Variants in ADAMTS2 observed in about 807,000 individuals in gnomAD.
ADAMTS2 encodes ADAM metallopeptidase with thrombospondin type 1 motif 2, also known as A disintegrin and metalloproteinase with thrombospondin motifs 2.
In ADAMTS2, 50 loss-of-function variants were observed where a neutral mutation model predicts 123.0. The observed-to-expected ratio is 0.41, with a 90% CI of 0.32 to 0.51. The LOEUF is 0.51. Ranked by LOEUF, ADAMTS2 falls within the 20% of genes least tolerant of loss-of-function variation. The pLI is 0.35. For missense variants in ADAMTS2, 1,494 were observed against 1,705.2 expected (o/e 0.88, Z 2.18); for synonymous variants, 678 against 695.4 (o/e 0.98, Z 0.39).
intron 21 of ADAMTS2, among the ~76,000 whole-genome samples, chr5:179,116,535 C>A (rs574771989): frequency 1.3e-5 from 2 of 152,154 alleles, no homozygotes; most frequent in Non-Finnish European, 2.9e-5. Context: ...CAGCCAAGCT[C>A]GCATCTAATT....
intron 2 of ADAMTS2, among the ~76,000 whole-genome samples, chr5:179,306,818 G>T (rs1156681558): frequency 1.3e-5 from 2 of 152,174 alleles, no homozygotes; most frequent in Non-Finnish European, 1.5e-5. Flanking sequence ...CTCAACCAGG[G>T]AAAGGACACC....
In ADAMTS2 at chr5:179,269,453, G is replaced by C. The variant is rs528547204; in HGVS notation, c.688+3458C>G. On this transcript the variant is annotated intron_variant, in intron 3 of 21. Coordinates refer to ENST00000251582, the MANE Select transcript of ADAMTS2 (RefSeq NM_014244.5). ...GAAAGGCACGTCTCACATGGCAGCA[G>C]CCGAGAGAGAGAGAGCTTGTGCAGG... Among the ~76,000 whole-genome samples, 36 of 152,270 alleles carry C rather than the reference G, an allele frequency of 2.4e-4. No homozygotes were observed. In the Middle Eastern group the frequency reaches 0.01, roughly 43 times the overall value.
chr5:179,237,041 G>A (rs1246419167), intron 3 of ADAMTS2, among the ~76,000 whole-genome samples: 1 of 152,094 alleles, frequency 6.6e-6, no homozygotes, highest in Admixed American at 6.6e-5. Context: ...GATAGCTTGA[G>A]CACAGAAGTA....
At chr5:179,224,280 C>T (rs1242528556) in intron 3 of ADAMTS2, among the ~76,000 whole-genome samples, 1 of 152,190 alleles carries the variant, frequency 6.6e-6, no homozygotes, top group South Asian at 2.1e-4. Context: ...TGGCTCCCGG[C>T]ACACCCTGAC....
chr5:179,133,036 G>T, intron 13 of ADAMTS2, 136 bp from the exon 14 acceptor site: 1 of 1,193,404 alleles, frequency 8.4e-7, no homozygotes, highest in Non-Finnish European at 1.2e-6. Flanking sequence ...TGGGATTACA[G>T]GCGTGAACCA....
chr5:179,313,987 CAG>C (rs1303025581), intron 2 of ADAMTS2, among the ~76,000 whole-genome samples: 1 of 151,788 alleles, frequency 6.6e-6, no homozygotes, highest in African/African-American at 2.4e-5. Flanking sequence ...CACACCGAGA[CAG>C]AGGAGGGCCT....
chr5:179,167,314 G>T lies in ADAMTS2; in HGVS notation c.976-8435C>A, dbSNP rs547342206. On this transcript the variant is annotated intron_variant, in intron 5 of 21. Coordinates refer to ENST00000251582, the MANE Select transcript of ADAMTS2 (RefSeq NM_014244.5). ...TGCTGCCGCGAGAACAGCGGCCCGG[G>T]CCGGGGACGCACCCGGCGCCCAGAC... is the stretch of plus-strand genomic sequence containing the variant. 1.3e-4 allele frequency among the ~76,000 whole-genome samples: 20 copies of T among 152,078 alleles called. 2 individuals carry two copies. In the South Asian group the frequency reaches 3.7e-3, roughly 28 times the overall value.
chr5:179,323,884 A>G (rs1757247339), intron 2 of ADAMTS2, among the ~76,000 whole-genome samples: 1 of 152,272 alleles, frequency 6.6e-6, no homozygotes, highest in African/African-American at 2.4e-5. Flanking sequence ...TAAAGGGTGG[A>G]AACAACCCAA....
At chr5:179,232,181 C>T (rs771901611) in intron 3 of ADAMTS2, among the ~76,000 whole-genome samples, 34 of 152,308 alleles carry the variant, frequency 2.2e-4, no homozygotes, top group Middle Eastern at 3.4e-3. Context: ...TTAAATTAAT[C>T]CAAACTCCAG....
At chr5:179,157,076 G>C (rs1164042153) in intron 6 of ADAMTS2, among the ~76,000 whole-genome samples, 1 of 147,954 alleles carries the variant, frequency 6.8e-6, no homozygotes, top group African/African-American at 2.5e-5. Flanking sequence ...TGATTTTCCT[G>C]CCTCAGCCTC....
intron 2 of ADAMTS2, among the ~76,000 whole-genome samples, chr5:179,337,988 T>C (rs1245685710): frequency 6.6e-6 from 1 of 152,058 alleles, no homozygotes; most frequent in Non-Finnish European, 1.5e-5. Context: ...CACTCAGGCA[T>C]GACTCGCTAA....
At chr5:179,164,710 T>C (rs1561785656) in intron 5 of ADAMTS2, among the ~76,000 whole-genome samples, 1 of 152,138 alleles carries the variant, frequency 6.6e-6, no homozygotes, top group Non-Finnish European at 1.5e-5. Context: ...TTGTGGGTGA[T>C]CAGTCCCAAG....
intron 10 of ADAMTS2, chr5:179,151,183 C>A (rs1029971963): frequency 1.5e-4 from 48 of 328,562 alleles, no homozygotes; most frequent in Non-Finnish European, 2.0e-4. Context: ...AGGCATGAGC[C>A]ACCGCGCCCG....
chr5:179,230,293 C>T (rs1765378890), intron 3 of ADAMTS2, among the ~76,000 whole-genome samples: 1 of 152,146 alleles, frequency 6.6e-6, no homozygotes, highest in South Asian at 2.1e-4. Flanking sequence ...CCAGAAAGTG[C>T]GGTCTGGACA....
At chr5:179,174,459 G>T (rs1326841237) in intron 5 of ADAMTS2, among the ~76,000 whole-genome samples, 1 of 152,076 alleles carries the variant, frequency 6.6e-6, no homozygotes, top group East Asian at 1.9e-4. Context: ...TGCTTAGAAA[G>T]CTCTTGACAA....
rs1044141398 is a variant in ADAMTS2 at position 179,344,032 on chromosome 5, G to A, written c.269C>T (p.Ala90Val). Residue 90 changes from alanine to valine, a missense_variant, in exon 2 of 22, where the codon GCC becomes GTC. Physicochemically the swap from Ala to Val is moderately conservative, Grantham distance 64. This residue lies in a region of ADAMTS2 where 237 missense variants were observed against 233.7 expected (regional missense o/e 1.01). Coordinates refer to ENST00000251582, the MANE Select transcript of ADAMTS2 (RefSeq NM_014244.5). ...SRAGVRARRAAPVRTPSFPGG... is the reference protein window; with the variant it reads ...SRAGVRARRAVPVRTPSFPGG... Reference sequence around the variant, plus strand: ...GGGGAAGCTCGGGGTCCGGACCGGGGCGGCCCTGCGGGCTCGTACCCCTGC... The same window carrying A: ...GGGGAAGCTCGGGGTCCGGACCGGGACGGCCCTGCGGGCTCGTACCCCTGC... The A allele has an allele frequency of 1.1e-5, 17 of 1,612,410 alleles. No individual in the cohort carries two copies. Among genetic ancestry groups the A allele is most frequent in the Non-Finnish European group, 1.4e-5 (17 of 1,179,850 alleles).
In ADAMTS2 at chr5:179,158,598, T is replaced by A; in HGVS notation, c.1132+125A>T. 1 of 1,294,570 alleles carries A rather than the reference T, an allele frequency of 7.7e-7. No homozygotes were observed. Among genetic ancestry groups the A allele is most frequent in the Non-Finnish European group, 1.1e-6 (1 of 906,940 alleles). The allele number at this position is 1,294,570 out of a possible 1,614,324, so 80.2% of individuals were successfully genotyped here. On this transcript the variant is annotated intron_variant, in intron 6 of 21. Coordinates refer to ENST00000251582, the MANE Select transcript of ADAMTS2 (RefSeq NM_014244.5). The surrounding 1 kb of genome is among the most constrained non-coding windows in gnomAD (Gnocchi z 5.0). The stretch of plus-strand genomic sequence containing the variant: ...GCCCCACACCCTCACCCAGCTAAGG[T>A]GGCCACGGCCTTCCCTGCCCTGACA...
intron 3 of ADAMTS2, among the ~76,000 whole-genome samples, chr5:179,230,533 G>C (rs1375141701): frequency 2.0e-5 from 3 of 152,226 alleles, no homozygotes; most frequent in Non-Finnish European, 4.4e-5. Flanking sequence ...CAGAGACGGT[G>C]AGACTTGGGG....
chr5:179,272,092 G>A lies in ADAMTS2; in HGVS notation c.688+819C>T, dbSNP rs1766551496. Among the ~76,000 whole-genome samples the A allele has an allele frequency of 6.6e-6, 1 of 152,202 alleles. No individual in the cohort carries two copies. Among genetic ancestry groups the A allele is most frequent in the Admixed American group, 6.5e-5 (1 of 15,288 alleles). On this transcript the variant is annotated intron_variant, in intron 3 of 21. Transcript: ENST00000251582. The surrounding 1 kb of genome is among the most constrained non-coding windows in gnomAD (Gnocchi z 5.8). Reference sequence around the variant, plus strand: ...GGCCAGGAGTCCCTGACCACACGGGGGACCCTGAGAACTATGGGCCTGCAG... The same window carrying A: ...GGCCAGGAGTCCCTGACCACACGGGAGACCCTGAGAACTATGGGCCTGCAG...
Sources: gnomAD v4.1 joint callset for allele counts (sites outside exome capture counted in the v4.1 genomes callset) on GRCh38, gnomAD v4.1.1 for gene constraint, gnomAD v4.1.1 regional missense constraint, Gnocchi (gnomAD v3.1) non-coding constraint, MANE v1.5 for transcripts, NCBI Gene and HGNC (gene_info 2026-07-23, HGNC 2026-07-21) for gene names.